The following MAP3K20 variants were observed in gnomAD, a reference collection of about 807,000 sequenced individuals.
The protein encoded by MAP3K20 is mitogen-activated protein kinase kinase kinase 20, also known as HCCS-4.
Under a neutral mutation model 85.7 loss-of-function variants are expected in MAP3K20, and 40 were observed. The ratio of observed to expected loss-of-function variants is 0.47; its 90% CI spans 0.36 to 0.61. The LOEUF is 0.61. Among genes scored for constraint, MAP3K20 ranks in the 20% least tolerant of loss-of-function variants. MAP3K20 has a pLI of 0.00. For missense variants in MAP3K20, 817 were observed against 961.7 expected (o/e 0.85, Z 1.99); for synonymous variants, 325 against 327.7 (o/e 0.99, Z 0.09).
chr2:173,132,398 G>A (rs555223353), intron 2 of MAP3K20, among the ~76,000 whole-genome samples: 1 of 152,234 alleles, frequency 6.6e-6, no homozygotes, highest in East Asian at 1.9e-4. Context: ...CATGTAGGCT[G>A]TGTATCAGCT....
intron 2 of MAP3K20, among the ~76,000 whole-genome samples, chr2:173,145,139 G>A (rs946979495): frequency 1.3e-5 from 2 of 152,102 alleles, no homozygotes; most frequent in Non-Finnish European, 2.9e-5. Context: ...CTATAAGAAA[G>A]CAAAGGTAAT....
intron 2 of MAP3K20, among the ~76,000 whole-genome samples, chr2:173,154,034 A>G (rs997680658): frequency 6.6e-6 from 1 of 151,950 alleles, no homozygotes; most frequent in East Asian, 1.9e-4. Flanking sequence ...TGACATAAAT[A>G]TCAGCTTGGC....
chr2:173,133,940 G>A (rs957304945), intron 2 of MAP3K20, among the ~76,000 whole-genome samples: 13 of 147,410 alleles, frequency 8.8e-5, no homozygotes, highest in Non-Finnish European at 1.5e-5. Context: ...GCAGTGAGCC[G>A]AGATCACACC....
Position 173,134,409 on chromosome 2 carries a change from TATATATATATATATATA to T in MAP3K20, c.160-35395_160-35379del, listed in dbSNP as rs1559245981. ...GTCTCTATACATATATATATATATA[TATATATATATATATATA>T]TATTTTTTTTTTTTTTTTTTTGCAG... On this transcript the variant is annotated intron_variant, in intron 2 of 19. Transcript: ENST00000375213. Among the ~76,000 whole-genome samples the T allele has an allele frequency of 3.8e-3, 37 of 9,722 alleles. 4 individuals are homozygous for T. The highest frequency in any genetic ancestry group is 8.6e-3 in the Non-Finnish European group (30 of 3,480). 6.4% of individuals were successfully genotyped at this position (9,722 alleles called of 152,430 possible). A position where few individuals can be genotyped will look rare whatever the true frequency, so the allele number is the denominator to read the frequency against.
At chr2:173,197,470 C>T (rs1053624442) in intron 7 of MAP3K20, among the ~76,000 whole-genome samples, 1 of 152,066 alleles carries the variant, frequency 6.6e-6, no homozygotes, top group South Asian at 2.1e-4. Context: ...ACTCATTTTG[C>T]GGGAGATTTC....
intron 2 of MAP3K20, among the ~76,000 whole-genome samples, chr2:173,129,029 T>C (rs1242205854): frequency 6.6e-6 from 1 of 150,634 alleles, no homozygotes; most frequent in Non-Finnish European, 1.5e-5. Context: ...GTTCAAGCGA[T>C]TGTCCTGCCT....
intron 5 of MAP3K20, among the ~76,000 whole-genome samples, chr2:173,190,067 C>G (rs1690602662): frequency 6.6e-6 from 1 of 152,146 alleles, no homozygotes; most frequent in Non-Finnish European, 1.5e-5. Flanking sequence ...GACCTGGCAC[C>G]TACCTTCCAA....
rs141131960 is a variant in MAP3K20 at position 173,224,356 on chromosome 2, A to C, written c.988-5333A>C. 173 of 985,432 alleles carry C rather than the reference A, an allele frequency of 1.8e-4. No homozygotes were observed. The African/African-American group carries it at 2.9e-3, about 16-fold the overall frequency. The allele number at this position is 985,432 out of a possible 1,614,324, so 61.0% of individuals were successfully genotyped here. On this transcript the variant is annotated intron_variant, in intron 11 of 19. Coordinates refer to ENST00000375213, the MANE Select transcript of MAP3K20 (RefSeq NM_016653.3). Reference sequence around the variant, plus strand: ...CAATACGTTTAGAACATATGAACTGAATGAAATGGACATTTTTTCTTAATT... The same window carrying C: ...CAATACGTTTAGAACATATGAACTGCATGAAATGGACATTTTTTCTTAATT...
intron 16 of MAP3K20, among the ~76,000 whole-genome samples, chr2:173,246,902 A>G (rs1684929176): frequency 6.6e-6 from 1 of 152,210 alleles, no homozygotes; most frequent in African/African-American, 2.4e-5. Flanking sequence ...CCAGGCTTCC[A>G]GACTGGAGCC....
Position 173,217,129 on chromosome 2 carries a change from C to G in MAP3K20, c.866C>G (p.Ala289Gly), listed in dbSNP as rs948572970. ...TCCCCGTGCAGGTGCGAAATTGAGG[C>G]AACTCTTGAGAGGCTAAAGAAACTA... ...NKAEWRCEIE[A>G]TLERLKKLER... Residue 289 changes from alanine (A) to glycine (G), a missense_variant, in exon 11 of 20, where the codon GCA (alanine) becomes GGA (glycine). By Grantham distance (60) the Ala-to-Gly change is moderately conservative. Coordinates refer to ENST00000375213, the MANE Select transcript of MAP3K20 (RefSeq NM_016653.3). The G allele has an allele frequency of 2.1e-5, 33 of 1,565,978 alleles. No homozygotes were observed. The highest frequency in any genetic ancestry group is 2.9e-5 in the Non-Finnish European group (33 of 1,155,650).
chr2:173,240,003 G>C (rs1368722137), intron 16 of MAP3K20, among the ~76,000 whole-genome samples: 1 of 152,198 alleles, frequency 6.6e-6, no homozygotes, highest in Non-Finnish European at 1.5e-5. Flanking sequence ...TAGGTAGCCT[G>C]TGAATTAGAA....
intron 8 of MAP3K20, among the ~76,000 whole-genome samples, chr2:173,202,276 G>T (rs1691092886): frequency 6.6e-6 from 1 of 152,148 alleles, no homozygotes; most frequent in Non-Finnish European, 1.5e-5. Flanking sequence ...CCTTTAGTTT[G>T]GAGAGAGTTG....
intron 9 of MAP3K20, among the ~76,000 whole-genome samples, chr2:173,208,398 A>T (rs1683762993): frequency 4.8e-5 from 1 of 20,916 alleles, no homozygotes; most frequent in South Asian, 5.9e-3. Flanking sequence ...ACTCTGTCTT[A>T]AAAAAAAAAA....
rs369504888 is a variant in MAP3K20 at position 173,249,286 on chromosome 2, C to T, written c.1360-9413C>T. ...AGTTCTGCAGCTAGAGACCTCAGTA[C>T]TCACAGTGGCTTCTGTTTTCTAAAC... is the stretch of plus-strand genomic sequence containing the variant. On this transcript the variant is annotated intron_variant, in intron 16 of 19. Coordinates refer to ENST00000375213, the MANE Select transcript of MAP3K20 (RefSeq NM_016653.3). 1.7e-4 allele frequency among the ~76,000 whole-genome samples: 26 copies of T among 152,260 alleles called. No individual in the cohort carries two copies. The East Asian group carries it at 4.1e-3, about 24-fold the overall frequency.
chr2:173,252,833 T>TCATACACAATACC (rs1249504003), intron 16 of MAP3K20, among the ~76,000 whole-genome samples: 5 of 152,186 alleles, frequency 3.3e-5, no homozygotes, highest in Non-Finnish European at 5.9e-5. Context: ...TGGCTGCCAA[T>TCATACACAATACC]CATACACAAT....
chr2:173,214,312 A>G (rs576832602), intron 10 of MAP3K20: 1 of 152,312 alleles, frequency 6.6e-6, no homozygotes, highest in East Asian at 1.9e-4. Flanking sequence ...TAAGAACAGA[A>G]AATGTGTCAT....
At chr2:173,126,632 G>A (rs1242455902) in intron 2 of MAP3K20, among the ~76,000 whole-genome samples, 14 of 152,188 alleles carry the variant, frequency 9.2e-5, no homozygotes, top group Non-Finnish European at 1.5e-4. Flanking sequence ...CACCCACCTC[G>A]GCCTCCCAAA....
chr2:173,163,527 T>C (rs184923401), intron 2 of MAP3K20, among the ~76,000 whole-genome samples: 1,938 of 152,342 alleles, frequency 0.013, 22 homozygotes, highest in Middle Eastern at 0.024. Flanking sequence ...AATCTTGTTC[T>C]TTTTTATGGC....
chr2:173,092,300 G>C (rs925821750), intron 2 of MAP3K20, among the ~76,000 whole-genome samples: 3 of 152,216 alleles, frequency 2.0e-5, no homozygotes, highest in Admixed American at 6.5e-5. Flanking sequence ...ACACAAAACA[G>C]AAAGGTACTG....
Sources: allele counts gnomAD v4.1 joint callset (sites outside exome capture counted in the v4.1 genomes callset), GRCh38; gene constraint gnomAD v4.1.1; transcripts MANE v1.5; gene names NCBI Gene and HGNC (gene_info 2026-07-23, HGNC 2026-07-21).